The following FGD5 variants were observed in gnomAD, a reference collection of about 807,000 sequenced individuals.
FGD5 encodes the protein FYVE, RhoGEF and PH domain-containing protein 5.
In FGD5, 28 loss-of-function variants were observed where a neutral mutation model predicts 133.4. The observed-to-expected ratio is 0.21, with a 90% CI of 0.16 to 0.29. FGD5 has a LOEUF of 0.29. FGD5 is among the 10% of genes least tolerant of loss of function. The probability of loss-of-function intolerance (pLI) is 1.00; values close to 1 mark genes in which losing one functional copy is unlikely to be tolerated. For synonymous variants in FGD5, 810 were observed against 776.5 expected, an observed-to-expected ratio of 1.04 and a Z score of -0.72; for missense variants, 1,858 against 1,895.2, an observed-to-expected ratio of 0.98 and a Z score of 0.36.
chr3:14,910,636 G>C (rs1235410097), intron 10 of FGD5, among the ~76,000 whole-genome samples: 1 of 152,170 alleles, frequency 6.6e-6, no homozygotes, highest in Non-Finnish European at 1.5e-5. Context: ...TATGATCCAA[G>C]CCCTGCTCTA....
intron 2 of FGD5, among the ~76,000 whole-genome samples, chr3:14,869,718 A>T (rs4521205): frequency 0.68 from 103,560 of 151,830 alleles, 35,575 homozygotes; most frequent in African/African-American, 0.77. Context: ...AGTGGCTTAT[A>T]GACTTAGCAT....
intron 1 of FGD5, among the ~76,000 whole-genome samples, chr3:14,859,581 G>GA (rs1242468805): frequency 6.6e-6 from 1 of 151,682 alleles, no homozygotes; most frequent in Non-Finnish European, 1.5e-5. Context: ...ATAAAAGAAA[G>GA]AAAGAAAAGT....
intron 1 of FGD5, among the ~76,000 whole-genome samples, chr3:14,844,217 A>AAATAT (rs1559477363): frequency 9.8e-5 from 2 of 20,368 alleles, no homozygotes; most frequent in African/African-American, 2.1e-4. Flanking sequence ...AAAAAAAAAA[A>AAATAT]ATATATATAT....
chr3:14,859,277 C>T (rs1331937179), intron 1 of FGD5, among the ~76,000 whole-genome samples: 2 of 152,110 alleles, frequency 1.3e-5, no homozygotes, highest in Non-Finnish European at 2.9e-5. Flanking sequence ...TGTTAGTTGG[C>T]CAGGCACAGT....
chr3:14,819,479 G>A lies in FGD5; in HGVS notation c.408G>A (p.Glu136=). ...PGAGALSREG[E]EGTDLALEDE... ...CAGGAGCGCTGAGCAGGGAGGGTGA[G>A]GAAGGCACAGACCTTGCTCTTGAGG... The change falls in exon 1 of 20, where the codon GAG becomes GAA. Residue 136 remains glutamate, a synonymous_variant. Transcript: ENST00000285046. This position sits in a 1 kb window ranked among gnomAD's most constrained non-coding sequence, Gnocchi z 4.1. 6.4e-7 allele frequency: 1 copy of A among 1,551,376 alleles called. No homozygotes were observed. The highest frequency in any genetic ancestry group is 8.7e-7 in the Non-Finnish European group (1 of 1,146,968).
chr3:14,823,180 A>T (rs536692035), intron 1 of FGD5, among the ~76,000 whole-genome samples: 5 of 152,186 alleles, frequency 3.3e-5, no homozygotes, highest in African/African-American at 7.2e-5. Flanking sequence ...GGTGGACAAG[A>T]CCCATCCCCC....
chr3:14,907,999 C>T (rs1389516381), intron 10 of FGD5, among the ~76,000 whole-genome samples: 2 of 152,108 alleles, frequency 1.3e-5, no homozygotes, highest in African/African-American at 4.8e-5. Context: ...AGAGGAAGCA[C>T]CAAATATTTT....
At chr3:14,924,838 AC>A (rs1396264733) in intron 17 of FGD5, among the ~76,000 whole-genome samples, 1 of 152,194 alleles carries the variant, frequency 6.6e-6, no homozygotes, top group Non-Finnish European at 1.5e-5. Context: ...GCGGTGGCTC[AC>A]GCCTGTAATC....
At chr3:14,892,500 AAAG>A (rs1191282328) in intron 4 of FGD5, among the ~76,000 whole-genome samples, 1 of 152,140 alleles carries the variant, frequency 6.6e-6, no homozygotes, top group Non-Finnish European at 1.5e-5. Context: ...CATCTGGCCT[AAAG>A]AAGATCTTTC....
chr3:14,841,623 G>A (rs1031610304), intron 1 of FGD5, among the ~76,000 whole-genome samples: 1 of 151,896 alleles, frequency 6.6e-6, no homozygotes, highest in South Asian at 2.1e-4. Context: ...CAGCTATAGG[G>A]CATGGGTGTC....
chr3:14,851,889 A>C (rs1449909229), intron 1 of FGD5, among the ~76,000 whole-genome samples: 2 of 150,744 alleles, frequency 1.3e-5, no homozygotes, highest in African/African-American at 4.9e-5. Flanking sequence ...GAAAATCCTT[A>C]TAAAGCCACT....
intron 18 of FGD5, among the ~76,000 whole-genome samples, chr3:14,927,871 C>A (rs936975751): frequency 6.6e-6 from 1 of 151,980 alleles, no homozygotes; most frequent in Non-Finnish European, 1.5e-5. Context: ...TCAAGCCATC[C>A]CCCCCAGCTC....
chr3:14,870,348 T>A (rs1361445129), intron 2 of FGD5, among the ~76,000 whole-genome samples: 1 of 152,158 alleles, frequency 6.6e-6, no homozygotes, highest in Non-Finnish European at 1.5e-5. Context: ...CATGGCCATA[T>A]TGAAGCCTCC....
In FGD5 at chr3:14,893,752, CTTTTTTTTT is replaced by C. The variant is rs138741627; in HGVS notation, c.2749-3745_2749-3737del. On this transcript the variant is annotated intron_variant, in intron 4 of 19. Coordinates refer to ENST00000285046, the MANE Select transcript of FGD5 (RefSeq NM_152536.4). ...TTTCTTTTTCTTTCTTTTCTTTTTTCTTTTTTTTTTTTTTTTTTTTGAGACAGAGTCTCT... is the reference window on the plus strand; with the variant it reads ...TTTCTTTTTCTTTCTTTTCTTTTTTCTTTTTTTTTTTGAGACAGAGTCTCT... 2.1e-5 allele frequency among the ~76,000 whole-genome samples: 2 copies of C among 95,056 alleles called. 1 individual carries two copies. The allele number at this position is 95,056 out of a possible 152,430, so 62.4% of individuals were successfully genotyped here. A position where few individuals can be genotyped will look rare whatever the true frequency, so the allele number is the denominator to read the frequency against.
At chr3:14,824,253 G>A (rs888588504) in intron 1 of FGD5, among the ~76,000 whole-genome samples, 2 of 152,248 alleles carry the variant, frequency 1.3e-5, no homozygotes, top group Admixed American at 6.5e-5. Flanking sequence ...GGGCAAGGGA[G>A]GTTTGAGACG....
At chr3:14,874,357 A>G (rs2037674866) in intron 2 of FGD5, among the ~76,000 whole-genome samples, 1 of 152,086 alleles carries the variant, frequency 6.6e-6, no homozygotes, top group Non-Finnish European at 1.5e-5. Context: ...CGTCTCTACA[A>G]AAAATAAAAA....
At chr3:14,899,493 GAGAC>G (rs1160217655) in intron 7 of FGD5, among the ~76,000 whole-genome samples, 1 of 152,200 alleles carries the variant, frequency 6.6e-6, no homozygotes, top group Non-Finnish European at 1.5e-5. Context: ...CCTAATGAGA[GAGAC>G]AGACAGTACA....
intron 2 of FGD5, among the ~76,000 whole-genome samples, chr3:14,872,437 A>G (rs1452380679): frequency 6.6e-6 from 1 of 152,200 alleles, no homozygotes; most frequent in Non-Finnish European, 1.5e-5. Flanking sequence ...TGGGAAGTAT[A>G]GCCTCTGGCT....
At chr3:14,849,935 G>A (rs1477111221) in intron 1 of FGD5, among the ~76,000 whole-genome samples, 3 of 152,182 alleles carry the variant, frequency 2.0e-5, no homozygotes, top group Non-Finnish European at 2.9e-5. Flanking sequence ...GTGGAAGGGA[G>A]GGGTGGGAGA....
Sources: gnomAD v4.1 joint callset for allele counts (sites outside exome capture counted in the v4.1 genomes callset) on GRCh38, gnomAD v4.1.1 for gene constraint, Gnocchi (gnomAD v3.1) non-coding constraint, MANE v1.5 for transcripts, NCBI Gene and HGNC (gene_info 2026-07-23, HGNC 2026-07-21) for gene names.